The following ACYP2 variants were observed in gnomAD, a reference collection of about 807,000 sequenced individuals.
ACYP2 encodes the protein acylphosphatase-2.
A neutral mutation model predicts 11.2 loss-of-function variants in ACYP2; 12 were observed. That is an observed-to-expected ratio of 1.08 (90% CI 0.69 to 1.74). The LOEUF (loss-of-function observed/expected upper bound fraction) is 1.74, where lower values mean the gene tolerates loss of function less well. Ranked by LOEUF, ACYP2 falls within the 40% of genes most tolerant of loss-of-function variation. ACYP2 has a pLI of 0.00. For missense variants in ACYP2, 134 were observed against 101.9 expected (o/e 1.31, Z -1.35); for synonymous variants, 43 against 32.2 (o/e 1.33, Z -1.13).
At chr2:53,995,637 G>A (rs1162237693) in intron 2 of ACYP2, among the ~76,000 whole-genome samples, 1 of 151,596 alleles carries the variant, frequency 6.6e-6, no homozygotes, top group Non-Finnish European at 1.5e-5. Context: ...ATTTTTAGTA[G>A]AGACAAGGTT....
At chr2:54,264,961 A>C (rs924801223) in intron 6 of ACYP2, among the ~76,000 whole-genome samples, 3 of 152,238 alleles carry the variant, frequency 2.0e-5, no homozygotes, top group African/African-American at 7.2e-5. Context: ...ACTTACCTTC[A>C]CAAAGTTCAA....
intron 6 of ACYP2, among the ~76,000 whole-genome samples, chr2:54,162,025 A>T (rs1682734465): frequency 6.6e-6 from 1 of 152,156 alleles, no homozygotes; most frequent in Non-Finnish European, 1.5e-5. Context: ...GTTGTTTCAC[A>T]ACCATATAGA....
At chr2:54,040,713 T>A (rs925873515) in intron 2 of ACYP2, among the ~76,000 whole-genome samples, 1 of 152,122 alleles carries the variant, frequency 6.6e-6, no homozygotes, top group Non-Finnish European at 1.5e-5. Context: ...AGATGAAAAT[T>A]AAGGCTTGGC....
Position 54,219,437 on chromosome 2 carries a change from T to C in ACYP2, c.404+80689T>C, listed in dbSNP as rs1038767670. On this transcript the variant is annotated intron_variant, in intron 6 of 6. Coordinates refer to ENST00000607452, the MANE Select transcript of ACYP2 (RefSeq NM_001320586.2). ...GTCTTTGAATGCCACCGTGAAGAGT[T>C]TGGGTTTGAGGTTGTTCAAACAAGC... Among the ~76,000 whole-genome samples, 6 of 151,842 alleles carry C rather than the reference T, an allele frequency of 4.0e-5. No homozygotes were observed. The East Asian group carries it at 7.7e-4, about 20-fold the overall frequency.
intron 4 of ACYP2, among the ~76,000 whole-genome samples, chr2:54,079,493 C>T (rs1312030345): frequency 6.6e-6 from 1 of 152,194 alleles, no homozygotes; most frequent in Non-Finnish European, 1.5e-5. Flanking sequence ...CTGGATGGCA[C>T]ACAGTACAGA....
chr2:54,140,460 C>A (rs1681541226), intron 6 of ACYP2, among the ~76,000 whole-genome samples: 2 of 152,016 alleles, frequency 1.3e-5, no homozygotes, highest in South Asian at 4.2e-4. Flanking sequence ...CTCCACCCTT[C>A]TTAAGTAACC....
chr2:54,180,302 A>G (rs1048628814), intron 6 of ACYP2, among the ~76,000 whole-genome samples: 3 of 151,966 alleles, frequency 2.0e-5, no homozygotes, highest in African/African-American at 7.3e-5. Flanking sequence ...TTGATTAATC[A>G]TTGGCCATTG....
chr2:54,012,235 CAA>C (rs773858784), intron 2 of ACYP2, among the ~76,000 whole-genome samples: 18 of 96,526 alleles, frequency 1.9e-4, no homozygotes, highest in Admixed American at 3.4e-4. Flanking sequence ...GACTCCGTCT[CAA>C]AAAAAAAAAA....
At chr2:54,092,620 T>C (rs1372341969) in intron 4 of ACYP2, among the ~76,000 whole-genome samples, 2 of 152,106 alleles carry the variant, frequency 1.3e-5, no homozygotes, top group Non-Finnish European at 2.9e-5. Context: ...GTCTCAGAAG[T>C]GGCTTTGAGA....
At chr2:54,108,086 T>C (rs1408225148) in intron 4 of ACYP2, among the ~76,000 whole-genome samples, 2 of 152,170 alleles carry the variant, frequency 1.3e-5, no homozygotes, top group Non-Finnish European at 2.9e-5. Flanking sequence ...CACAAGCCAG[T>C]GAACAGTCAG....
Position 54,199,100 on chromosome 2 carries a change from T to C in ACYP2, c.404+60352T>C, listed in dbSNP as rs1367485619. ...TTAGGTTTCTCAGAACACCATTGCC[T>C]TTTTTCTGTGCTCACAGTCAATTCT... On this transcript the variant is annotated intron_variant, in intron 6 of 6. Transcript: ENST00000607452. 3.9e-5 allele frequency among the ~76,000 whole-genome samples: 6 copies of C among 152,300 alleles called. No homozygotes were observed. In the East Asian group the frequency reaches 1.2e-3, roughly 29 times the overall value.
At chr2:54,157,032 A>C (rs1430468846) in intron 6 of ACYP2, among the ~76,000 whole-genome samples, 2 of 152,186 alleles carry the variant, frequency 1.3e-5, no homozygotes, top group Non-Finnish European at 2.9e-5. Context: ...AAAAACTTGA[A>C]ATCTATTTTA....
chr2:54,163,142 G>T (rs1682800340), intron 6 of ACYP2, among the ~76,000 whole-genome samples: 2 of 152,192 alleles, frequency 1.3e-5, no homozygotes, highest in South Asian at 2.1e-4. Flanking sequence ...CTCCCAAACA[G>T]TATGGATTTT....
At chr2:54,097,555 CTG>C (rs1339342523) in intron 4 of ACYP2, among the ~76,000 whole-genome samples, 1 of 152,120 alleles carries the variant, frequency 6.6e-6, no homozygotes, top group Non-Finnish European at 1.5e-5. Flanking sequence ...TGTTCTCACA[CTG>C]TTATAATATT....
chr2:54,158,330 C>T (rs182087673), intron 6 of ACYP2, among the ~76,000 whole-genome samples: 1 of 151,882 alleles, frequency 6.6e-6, no homozygotes, highest in East Asian at 1.9e-4. Context: ...GCATGAGCCA[C>T]CGTGCCCGGC....
intron 6 of ACYP2, among the ~76,000 whole-genome samples, chr2:54,243,515 G>A (rs1221310311): frequency 6.6e-6 from 1 of 151,972 alleles, no homozygotes; most frequent in Non-Finnish European, 1.5e-5. Context: ...TATTTTTTGA[G>A]ATGGAGTCTC....
intron 6 of ACYP2, among the ~76,000 whole-genome samples, chr2:54,304,218 CTGTGTG>C (rs10531789): frequency 0.014 from 2,097 of 149,324 alleles, 47 homozygotes; most frequent in African/African-American, 0.046. Flanking sequence ...ATATATATGT[CTGTGTG>C]TGTGTGTGTG....
At chr2:54,069,154 C>G (rs889850051) in intron 4 of ACYP2, among the ~76,000 whole-genome samples, 2 of 152,110 alleles carry the variant, frequency 1.3e-5, no homozygotes, top group Non-Finnish European at 2.9e-5. Context: ...TGGTCTCAAA[C>G]TCCTGGCCTC....
intron 4 of ACYP2, among the ~76,000 whole-genome samples, chr2:54,061,230 C>A (rs977559985): frequency 6.6e-6 from 1 of 152,196 alleles, no homozygotes; most frequent in Non-Finnish European, 1.5e-5. Flanking sequence ...ATGAAGATGA[C>A]TTTTATGTCT....
Sources: gnomAD v4.1 joint callset for allele counts (sites outside exome capture counted in the v4.1 genomes callset) on GRCh38, gnomAD v4.1.1 for gene constraint, MANE v1.5 for transcripts, NCBI Gene and HGNC (gene_info 2026-07-23, HGNC 2026-07-21) for gene names.